ARHGAP26: variants seen among roughly 807,000 people sequenced by gnomAD.
ARHGAP26 encodes the protein Rho GTPase activating protein 26.
ARHGAP26 carries 38 observed loss-of-function variants against 104.8 expected under a neutral mutation model. That is an observed-to-expected ratio of 0.36 (90% CI 0.28 to 0.48). ARHGAP26 has a LOEUF of 0.48. ARHGAP26 is among the 20% of genes least tolerant of loss of function. The pLI, the probability that ARHGAP26 is intolerant of heterozygous loss-of-function variation, is 0.99. For synonymous variants in ARHGAP26, 341 were observed against 340.0 expected (o/e 1.00, Z -0.03); for missense variants, 704 against 947.9 (o/e 0.74, Z 3.38).
chr5:143,223,061 T>A lies in ARHGAP26; in HGVS notation c.*615T>A. The stretch of plus-strand genomic sequence containing the variant: ...CTGTCATCAGTGAGATACAATCCAG[T>A]CTTCTCATGCACGGGAACACACACA... On this transcript the variant is annotated 3_prime_UTR_variant, in exon 23 of 23. Coordinates refer to ENST00000645722, the MANE Select transcript of ARHGAP26 (RefSeq NM_001135608.3). 4.3e-6 allele frequency: 1 copy of A among 233,486 alleles called. No individual in the cohort carries two copies. Among genetic ancestry groups the A allele is most frequent in the Non-Finnish European group, 8.5e-6 (1 of 117,910 alleles). 14.5% of individuals were successfully genotyped at this position (233,486 alleles called of 1,614,324 possible).
Position 143,224,793 on chromosome 5 carries a change from G to C in ARHGAP26, c.*2347G>C, listed in dbSNP as rs1043086576. 14 of 227,858 alleles carry C rather than the reference G, an allele frequency of 6.1e-5. No homozygotes were observed. The Admixed American group carries it at 6.2e-4, about 10-fold the overall frequency. The allele number at this position is 227,858 out of a possible 1,614,324, so 14.1% of individuals were successfully genotyped here. A position where few individuals can be genotyped will look rare whatever the true frequency, so the allele number is the denominator to read the frequency against. ...TCCAATTCCCGTGATCCCAAAAGAAGAGGAAGACTCCAGGAGGGGTATAGA... is the reference window on the plus strand; with the variant it reads ...TCCAATTCCCGTGATCCCAAAAGAACAGGAAGACTCCAGGAGGGGTATAGA... On this transcript the variant is annotated 3_prime_UTR_variant, in exon 23 of 23. Transcript: ENST00000645722.
At chr5:142,862,084 G>A (rs1023213829) in intron 1 of ARHGAP26, among the ~76,000 whole-genome samples, 4 of 152,182 alleles carry the variant, frequency 2.6e-5, no homozygotes, top group African/African-American at 7.2e-5. Context: ...GGGTTGGCTT[G>A]TTTGTTGTTC....
In ARHGAP26 at chr5:143,226,860, C is replaced by T. The variant is rs150069646; in HGVS notation, c.*4414C>T. On this transcript the variant is annotated 3_prime_UTR_variant, in exon 23 of 23. Transcript: ENST00000645722. ...TAGCAGGACAGAGCCATACTAGTGACAAGGGCATCCCAAGGCACTTGCCCA... is the reference window on the plus strand; with the variant it reads ...TAGCAGGACAGAGCCATACTAGTGATAAGGGCATCCCAAGGCACTTGCCCA... 182 of 225,976 alleles carry T rather than the reference C, an allele frequency of 8.1e-4. No individual in the cohort carries two copies. Among genetic ancestry groups the T allele is most frequent in the African/African-American group, 3.9e-3 (176 of 45,016 alleles). The allele number at this position is 225,976 out of a possible 1,614,324, so 14.0% of individuals were successfully genotyped here.
chr5:142,799,241 A>G (rs1761585021), intron 1 of ARHGAP26, among the ~76,000 whole-genome samples: 2 of 151,856 alleles, frequency 1.3e-5, no homozygotes, highest in Non-Finnish European at 2.9e-5. Flanking sequence ...CTTTAGAGAT[A>G]TGTGTTTCTG....
intron 12 of ARHGAP26, 40 bp downstream of exon 12, chr5:143,014,156 G>A (rs1779271660): frequency 4.3e-6 from 7 of 1,611,824 alleles, no homozygotes; most frequent in Non-Finnish European, 5.1e-6. Context: ...AGCCAGGGTT[G>A]GGAGTAGGCT....
At chr5:143,182,569 A>G (rs909939754) in intron 20 of ARHGAP26, among the ~76,000 whole-genome samples, 3 of 152,220 alleles carry the variant, frequency 2.0e-5, no homozygotes, top group Non-Finnish European at 2.9e-5. Context: ...TTTGTTGATA[A>G]GCTATGAACT....
At chr5:143,197,525 A>G (rs1425356141) in intron 20 of ARHGAP26, among the ~76,000 whole-genome samples, 1 of 152,114 alleles carries the variant, frequency 6.6e-6, no homozygotes, top group Non-Finnish European at 1.5e-5. Context: ...CTCTTTTAAC[A>G]TCCCTATTCA....
At chr5:143,140,769 T>C (rs1798422977) in intron 19 of ARHGAP26, among the ~76,000 whole-genome samples, 1 of 152,110 alleles carries the variant, frequency 6.6e-6, no homozygotes, top group African/African-American at 2.4e-5. Context: ...CAGGAGTGGA[T>C]TCTTGGGCCT....
intron 17 of ARHGAP26, among the ~76,000 whole-genome samples, chr5:143,104,660 C>A (rs28688005): frequency 6.6e-6 from 1 of 152,046 alleles, no homozygotes; most frequent in African/African-American, 2.4e-5. Context: ...ATATTGGAAA[C>A]AATCTGACTG....
intron 21 of ARHGAP26, among the ~76,000 whole-genome samples, chr5:143,208,472 A>G (rs930553869): frequency 3.3e-5 from 5 of 152,240 alleles, no homozygotes; most frequent in Admixed American, 6.5e-5. Context: ...TTATATATAT[A>G]CAGATACATA....
rs932767740 is a variant in ARHGAP26, at chr5:142,834,725, T to A, written c.155-38675T>A. Among the ~76,000 whole-genome samples the A allele has an allele frequency of 3.9e-5, 6 of 152,238 alleles. No homozygotes were observed. The South Asian group carries it at 1.0e-3, about 26-fold the overall frequency. ...TCCGGGCCTCTTGAGGCCTAGGCTTTGGAATTTGCATGGCCTCACTTCTGC... is the reference window on the plus strand; with the variant it reads ...TCCGGGCCTCTTGAGGCCTAGGCTTAGGAATTTGCATGGCCTCACTTCTGC... On this transcript the variant is annotated intron_variant, in intron 1 of 22. Coordinates refer to ENST00000645722, the MANE Select transcript of ARHGAP26 (RefSeq NM_001135608.3).
Position 142,791,203 on chromosome 5 carries a change from T to A in ARHGAP26, c.154+20288T>A, listed in dbSNP as rs117941844. On this transcript the variant is annotated intron_variant, in intron 1 of 22. Coordinates refer to ENST00000645722, the MANE Select transcript of ARHGAP26 (RefSeq NM_001135608.3). ...AAGCGATTCTCCTGCCTCAGCCTTTTGTCTTGGATAAACCAGGTGTAACTG... is the reference window on the plus strand; with the variant it reads ...AAGCGATTCTCCTGCCTCAGCCTTTAGTCTTGGATAAACCAGGTGTAACTG... Among the ~76,000 whole-genome samples, 103 of 152,184 alleles carry A rather than the reference T, an allele frequency of 6.8e-4. No homozygotes were observed. In the East Asian group the frequency reaches 0.018, roughly 26 times the overall value.
intron 11 of ARHGAP26, among the ~76,000 whole-genome samples, chr5:142,990,840 G>C (rs947835452): frequency 6.6e-6 from 1 of 152,112 alleles, no homozygotes; most frequent in Non-Finnish European, 1.5e-5. Context: ...TCTCAGAGGG[G>C]CATCTGGCTG....
chr5:142,931,473 C>G (rs530559424), intron 10 of ARHGAP26, among the ~76,000 whole-genome samples: 2 of 152,260 alleles, frequency 1.3e-5, no homozygotes, highest in South Asian at 4.1e-4. Flanking sequence ...GCACTTAGCA[C>G]CTGACATGAT....
intron 17 of ARHGAP26, among the ~76,000 whole-genome samples, chr5:143,096,157 A>G (rs1015511736): frequency 2.0e-5 from 3 of 152,210 alleles, no homozygotes; most frequent in Non-Finnish European, 4.4e-5. Context: ...ATTTTTTCTT[A>G]GCCTACATTG....
intron 11 of ARHGAP26, among the ~76,000 whole-genome samples, chr5:142,954,485 T>C (rs962003586): frequency 1.4e-4 from 22 of 152,220 alleles, no homozygotes; most frequent in Non-Finnish European, 2.5e-4. Flanking sequence ...AGTCATTCAG[T>C]TGGTCCTGTT....
intron 5 of ARHGAP26, among the ~76,000 whole-genome samples, chr5:142,886,927 T>G (rs1321281712): frequency 6.6e-6 from 1 of 152,210 alleles, no homozygotes; most frequent in African/African-American, 2.4e-5. Flanking sequence ...AAAGAAAAGC[T>G]TTTTGGCTGT....
chr5:143,207,491 G>A (rs1345805009), intron 21 of ARHGAP26, 183 bp downstream of exon 21: 18 of 1,613,080 alleles, frequency 1.1e-5, no homozygotes, highest in Non-Finnish European at 1.5e-5. Context: ...CTCGGATGAT[G>A]ACCAATCTGT....
intron 20 of ARHGAP26, chr5:143,169,714 C>T (rs1183961258): frequency 6.6e-6 from 1 of 152,278 alleles, no homozygotes; most frequent in East Asian, 1.9e-4. Context: ...AGAACAACAC[C>T]CAAGGCACAC....
Sources: gnomAD v4.1 joint callset for allele counts (sites outside exome capture counted in the v4.1 genomes callset) on GRCh38, gnomAD v4.1.1 for gene constraint, MANE v1.5 for transcripts, NCBI Gene and HGNC (gene_info 2026-07-23, HGNC 2026-07-21) for gene names.